Variants in SLC2A13 observed in about 807,000 individuals in gnomAD.
SLC2A13 encodes the protein solute carrier family 2 member 13, also known as proton myo-inositol cotransporter.
A neutral mutation model predicts 64.4 loss-of-function variants in SLC2A13; 32 were observed. The ratio of observed to expected loss-of-function variants is 0.50; its 90% CI spans 0.37 to 0.67. The LOEUF is 0.67. Among genes scored for constraint, SLC2A13 ranks in the 30% least tolerant of loss-of-function variants. The pLI is 0.00. For synonymous variants in SLC2A13, 338 were observed against 327.1 expected (o/e 1.03, Z -0.36); for missense variants, 743 against 829.2 (o/e 0.90, Z 1.28).
At chr12:39,971,822 A>G (rs1946650176) in intron 3 of SLC2A13, among the ~76,000 whole-genome samples, 2 of 151,332 alleles carry the variant, frequency 1.3e-5, no homozygotes, top group South Asian at 4.2e-4. Context: ...TAAAAATACA[A>G]ATATTAGATG....
intron 3 of SLC2A13, among the ~76,000 whole-genome samples, chr12:39,986,576 A>G: frequency 6.6e-6 from 1 of 152,134 alleles, no homozygotes; most frequent in East Asian, 1.9e-4. Flanking sequence ...TAAATTCAAT[A>G]GACATAAAAT....
At chr12:40,054,703 G>A (rs909616376) in intron 1 of SLC2A13, among the ~76,000 whole-genome samples, 3 of 152,162 alleles carry the variant, frequency 2.0e-5, no homozygotes, top group Admixed American at 6.5e-5. Flanking sequence ...AGCACAAAAC[G>A]CTCTGGAGTG....
chr12:39,920,878 T>TA (rs1286743716), intron 4 of SLC2A13, among the ~76,000 whole-genome samples: 1 of 152,042 alleles, frequency 6.6e-6, no homozygotes, highest in African/African-American at 2.4e-5. Context: ...TGCCAAAAGC[T>TA]AGCGACACAT....
intron 3 of SLC2A13, among the ~76,000 whole-genome samples, chr12:40,016,220 A>G (rs1254352412): frequency 1.3e-5 from 2 of 152,204 alleles, no homozygotes; most frequent in Non-Finnish European, 2.9e-5. Context: ...TACTCTTGAA[A>G]TCTGAATATC....
intron 7 of SLC2A13, among the ~76,000 whole-genome samples, chr12:39,810,097 G>A (rs951255092): frequency 6.6e-6 from 1 of 152,146 alleles, no homozygotes; most frequent in Non-Finnish European, 1.5e-5. Context: ...CTTCCACAAT[G>A]GTTGGACTAG....
intron 3 of SLC2A13, among the ~76,000 whole-genome samples, chr12:39,995,252 A>G (rs1371206795): frequency 2.0e-5 from 3 of 152,230 alleles, no homozygotes; most frequent in Non-Finnish European, 2.9e-5. Flanking sequence ...TAGGATATCC[A>G]TCACCTTAAA....
rs548279224 is a variant in SLC2A13 at position 39,769,755 on chromosome 12, T to A, written c.1446-4897A>T. Among the ~76,000 whole-genome samples, 6 of 152,058 alleles carry A rather than the reference T, an allele frequency of 3.9e-5. No individual in the cohort carries two copies. In the South Asian group the frequency reaches 1.2e-3, roughly 32 times the overall value. ...CACAAGATCTCTCTTACTCAAATGT[T>A]CAACTCCTCTCATATTACCACAACT... On this transcript the variant is annotated intron_variant, in intron 7 of 9. Coordinates refer to ENST00000280871, the MANE Select transcript of SLC2A13 (RefSeq NM_052885.4).
intron 2 of SLC2A13, among the ~76,000 whole-genome samples, chr12:40,041,161 A>C (rs924680577): frequency 6.6e-6 from 1 of 152,134 alleles, no homozygotes; most frequent in African/African-American, 2.4e-5. Flanking sequence ...CATCTTGGCC[A>C]GGCTGGTCTT....
chr12:40,105,281 G>T lies in SLC2A13; in HGVS notation c.528C>A (p.Ala176=), dbSNP rs778088143. The change falls in exon 1 of 10, where the codon GCC becomes GCA. Residue 176 remains alanine (A), a synonymous_variant. Coordinates refer to ENST00000280871, the MANE Select transcript of SLC2A13 (RefSeq NM_052885.4). This position sits in a 1 kb window ranked among gnomAD's most constrained non-coding sequence, Gnocchi z 4.2. ...TGCCGAGTCCCACGACCAGGCGGCC[G>T]GCGAGCAGTGTCTCCTTGTTGTTGG... ...AAANNKETLL[A]GRLVVGLGIG... The T allele has an allele frequency of 5.1e-5, 82 of 1,598,632 alleles. No individual in the cohort carries two copies. The South Asian group carries it at 8.8e-4, about 17-fold the overall frequency.
At chr12:39,866,569 C>T (rs1943917148) in intron 5 of SLC2A13, among the ~76,000 whole-genome samples, 1 of 152,086 alleles carries the variant, frequency 6.6e-6, no homozygotes, top group Admixed American at 6.5e-5. Context: ...GGCTCCGCCC[C>T]CCGGGGTTCA....
intron 7 of SLC2A13, among the ~76,000 whole-genome samples, chr12:39,821,246 T>TGG (rs1942499280): frequency 6.6e-6 from 1 of 151,992 alleles, no homozygotes; most frequent in Admixed American, 6.6e-5. Context: ...ACCCCATCTC[T>TGG]ACTAAATACA....
At chr12:39,975,296 C>T (rs1946740010) in intron 3 of SLC2A13, among the ~76,000 whole-genome samples, 1 of 152,056 alleles carries the variant, frequency 6.6e-6, no homozygotes, top group African/African-American at 2.4e-5. Context: ...GAAAATAATG[C>T]CAAAGGAGGG....
intron 4 of SLC2A13, among the ~76,000 whole-genome samples, chr12:39,898,003 AGTT>A (rs1365345151): frequency 2.0e-5 from 3 of 152,160 alleles, no homozygotes; most frequent in African/African-American, 7.2e-5. Flanking sequence ...AGATGTTATC[AGTT>A]ATTATTAATC....
chr12:40,097,271 TA>T (rs1938979934), intron 1 of SLC2A13, among the ~76,000 whole-genome samples: 2 of 152,168 alleles, frequency 1.3e-5, no homozygotes, highest in African/African-American at 2.4e-5. Flanking sequence ...CTCCTAGAAG[TA>T]AAATCTAGTA....
At position 40,105,341 on chromosome 12, in the gene SLC2A13, G is replaced by C. The variant is rs565446090; in HGVS notation, c.468C>G (p.Ala156=). The change falls in exon 1 of 10, where the codon GCC becomes GCG. Residue 156 remains alanine, a synonymous_variant. Transcript: ENST00000280871. The surrounding 1 kb of genome is among the most constrained non-coding windows in gnomAD (Gnocchi z 4.2). ...GRRAAILLAS[A]LFTAGSAVLA... is the part of the protein sequence containing the mutation. ...GCACCGCGGAGCCGGCGGTGAAGAGGGCACTGGCCAGGAGGATGGCAGCGC... is the reference window on the plus strand; with the variant it reads ...GCACCGCGGAGCCGGCGGTGAAGAGCGCACTGGCCAGGAGGATGGCAGCGC... The C allele has an allele frequency of 1.9e-6, 3 of 1,595,560 alleles. No individual in the cohort carries two copies. Among genetic ancestry groups the C allele is most frequent in the Admixed American group, 1.7e-5 (1 of 58,292 alleles).
intron 1 of SLC2A13, among the ~76,000 whole-genome samples, chr12:40,096,868 T>C (rs1034822664): frequency 6.6e-6 from 1 of 152,284 alleles, no homozygotes; most frequent in East Asian, 1.9e-4. Context: ...GGGATTTTCA[T>C]TGCTAGCACA....
chr12:40,005,017 C>T (rs1274608072), intron 3 of SLC2A13, among the ~76,000 whole-genome samples: 4 of 151,994 alleles, frequency 2.6e-5, no homozygotes, highest in Admixed American at 6.6e-5. Flanking sequence ...GAAGAAAATC[C>T]ACCTGTAAGT....
chr12:39,895,463 C>G (rs865829130), intron 4 of SLC2A13, among the ~76,000 whole-genome samples: 1 of 131,662 alleles, frequency 7.6e-6, no homozygotes, highest in Non-Finnish European at 1.6e-5. Context: ...GCACTCCAGC[C>G]TGGGCGACAG....
chr12:39,797,157 T>G (rs953871452), intron 7 of SLC2A13, among the ~76,000 whole-genome samples: 4 of 152,208 alleles, frequency 2.6e-5, no homozygotes, highest in African/African-American at 9.6e-5. Flanking sequence ...ATTCTGATGT[T>G]ATGAAAACAA....
Sources: gnomAD v4.1 joint callset for allele counts (sites outside exome capture counted in the v4.1 genomes callset) on GRCh38, gnomAD v4.1.1 for gene constraint, Gnocchi (gnomAD v3.1) non-coding constraint, MANE v1.5 for transcripts, NCBI Gene and HGNC (gene_info 2026-07-23, HGNC 2026-07-21) for gene names.